Variants in EYA1 observed in about 807,000 individuals in gnomAD.
EYA1 encodes the protein EYA transcriptional coactivator and phosphatase 1.
A neutral mutation model predicts 82.0 loss-of-function variants in EYA1; 16 were observed. That is an observed-to-expected ratio of 0.20 (90% confidence interval 0.13 to 0.30). The LOEUF (loss-of-function observed/expected upper bound fraction) is 0.30, where lower values mean the gene tolerates loss of function less well. EYA1 is among the 10% of genes least tolerant of loss of function. The probability of loss-of-function intolerance (pLI) is 1.00; values close to 1 mark genes in which losing one functional copy is unlikely to be tolerated. For synonymous variants in EYA1, 261 were observed against 264.4 expected (o/e 0.99, Z 0.12); for missense variants, 633 against 730.7 (o/e 0.87, Z 1.54).
chr8:71,395,983 T>C (rs995270474), intron 2 of EYA1, among the ~76,000 whole-genome samples: 1 of 152,242 alleles, frequency 6.6e-6, no homozygotes, highest in Non-Finnish European at 1.5e-5. Context: ...GTAATTGGTC[T>C]ATTCAGGGAT....
intron 12 of EYA1, among the ~76,000 whole-genome samples, chr8:71,240,339 G>A (rs904670826): frequency 2.6e-5 from 4 of 151,608 alleles, no homozygotes; most frequent in African/African-American, 7.3e-5. Flanking sequence ...TATCAGACCC[G>A]GGCTAGGAGT....
intron 3 of EYA1, among the ~76,000 whole-genome samples, chr8:71,335,226 G>A (rs1679030500): frequency 1.3e-5 from 2 of 152,062 alleles, no homozygotes; most frequent in African/African-American, 4.8e-5. Context: ...GAGAATATTT[G>A]GGGAGGCCTC....
At chr8:71,224,184 A>G (rs955680311) in intron 12 of EYA1, among the ~76,000 whole-genome samples, 11 of 152,240 alleles carry the variant, frequency 7.2e-5, no homozygotes, top group African/African-American at 2.7e-4. Context: ...TGAAAAAGTT[A>G]CAATGTGTCT....
At chr8:71,434,103 ACT>A (rs2129163958) in intron 2 of EYA1, among the ~76,000 whole-genome samples, 1 of 152,272 alleles carries the variant, frequency 6.6e-6, no homozygotes, top group African/African-American at 2.4e-5. Context: ...ATTAAAGATA[ACT>A]CTAAGATTCT....
chr8:71,455,693 G>C (rs193227046), intron 2 of EYA1, among the ~76,000 whole-genome samples: 1 of 152,124 alleles, frequency 6.6e-6, no homozygotes, highest in Non-Finnish European at 1.5e-5. Flanking sequence ...AAAGGCCTTC[G>C]ACAAAATTCA....
At chr8:71,262,370 C>T (rs536054040) in intron 11 of EYA1, among the ~76,000 whole-genome samples, 1 of 152,164 alleles carries the variant, frequency 6.6e-6, no homozygotes, top group Non-Finnish European at 1.5e-5. Flanking sequence ...TTTCCCACTC[C>T]CTCTTTGCTG....
intron 7 of EYA1, among the ~76,000 whole-genome samples, chr8:71,308,204 T>C (rs1174454384): frequency 1.3e-5 from 2 of 152,184 alleles, no homozygotes; most frequent in Non-Finnish European, 2.9e-5. Context: ...TATTAAGTGG[T>C]ATTAATTTTT....
chr8:71,285,392 G>C (rs1818259777), intron 9 of EYA1, among the ~76,000 whole-genome samples: 1 of 152,180 alleles, frequency 6.6e-6, no homozygotes. Flanking sequence ...TGTTTGAAGG[G>C]AGAACATTTA....
intron 2 of EYA1, among the ~76,000 whole-genome samples, chr8:71,432,355 A>G (rs1453465928): frequency 6.6e-6 from 1 of 152,220 alleles, no homozygotes; most frequent in Non-Finnish European, 1.5e-5. Flanking sequence ...GAAACGGTAT[A>G]TGACTACTAT....
intron 9 of EYA1, among the ~76,000 whole-genome samples, chr8:71,274,475 A>G (rs1816897118): frequency 6.6e-6 from 1 of 152,160 alleles, no homozygotes; most frequent in South Asian, 2.1e-4. Flanking sequence ...GTTCAAGTTT[A>G]CCCCCACTGA....
chr8:71,483,585 G>A (rs750586273), intron 2 of EYA1, among the ~76,000 whole-genome samples: 5 of 151,368 alleles, frequency 3.3e-5, no homozygotes, highest in Non-Finnish European at 7.4e-5. Flanking sequence ...CATTTTTTAT[G>A]TGGCCTCTGG....
At chr8:71,526,818 A>C (rs1370454799) in intron 2 of EYA1, among the ~76,000 whole-genome samples, 4 of 152,064 alleles carry the variant, frequency 2.6e-5, no homozygotes, top group African/African-American at 9.7e-5. Context: ...TCCAGACTAC[A>C]CTCAAGGAGA....
chr8:71,303,315 TAC>T (rs58345968), intron 7 of EYA1, among the ~76,000 whole-genome samples: 12,250 of 131,812 alleles, frequency 0.093, 1,970 homozygotes, highest in African/African-American at 0.12. Context: ...ACATTTGATA[TAC>T]ACACACACAC....
intron 9 of EYA1, among the ~76,000 whole-genome samples, chr8:71,282,103 C>T (rs2128970609): frequency 6.6e-6 from 1 of 152,314 alleles, no homozygotes; most frequent in East Asian, 1.9e-4. Context: ...GCCAGGCTCT[C>T]CCCACCCGTA....
chr8:71,418,790 G>T (rs1480047291), intron 2 of EYA1, among the ~76,000 whole-genome samples: 1 of 152,164 alleles, frequency 6.6e-6, no homozygotes, highest in Non-Finnish European at 1.5e-5. Flanking sequence ...AGGAAGTGGG[G>T]ATGAGGGATG....
In EYA1 at chr8:71,316,345, T is replaced by C. The variant is rs546924872; in HGVS notation, c.556+1207A>G. On this transcript the variant is annotated intron_variant, in intron 7 of 17. Transcript: ENST00000340726. ...GCATAGCATTGCTCTAAATGTCAAATAGTAGGGAACTAGGTAAATAAGATA... is the reference window on the plus strand; with the variant it reads ...GCATAGCATTGCTCTAAATGTCAAACAGTAGGGAACTAGGTAAATAAGATA... Among the ~76,000 whole-genome samples the C allele has an allele frequency of 1.2e-3, 182 of 152,238 alleles. 6 individuals are homozygous for C. The South Asian group carries it at 0.035, about 29-fold the overall frequency.
chr8:71,334,647 C>G (rs1249942628), intron 3 of EYA1, among the ~76,000 whole-genome samples: 1 of 152,158 alleles, frequency 6.6e-6, no homozygotes, highest in African/African-American at 2.4e-5. Flanking sequence ...ACCACACACA[C>G]ACACACCTTC....
intron 2 of EYA1, among the ~76,000 whole-genome samples, chr8:71,532,661 C>T (rs1159627833): frequency 2.0e-5 from 3 of 152,052 alleles, no homozygotes; most frequent in Non-Finnish European, 2.9e-5. Flanking sequence ...ATCAAAGGTC[C>T]GATTCCTATC....
At chr8:71,374,559 T>C (rs1450072599) in intron 2 of EYA1, among the ~76,000 whole-genome samples, 3 of 152,298 alleles carry the variant, frequency 2.0e-5, no homozygotes, top group African/African-American at 4.8e-5. Flanking sequence ...ACAGCTATTA[T>C]GGAAAACAGT....
Sources: gnomAD v4.1 joint callset for allele counts (sites outside exome capture counted in the v4.1 genomes callset) on GRCh38, gnomAD v4.1.1 for gene constraint, MANE v1.5 for transcripts, NCBI Gene and HGNC (gene_info 2026-07-23, HGNC 2026-07-21) for gene names.